The following DLG2 variants were observed in gnomAD, a reference collection of about 807,000 sequenced individuals.
The protein encoded by DLG2 is discs large MAGUK scaffold protein 2.
In DLG2, 45 loss-of-function variants were observed where a neutral mutation model predicts 132.5. That is an observed-to-expected ratio of 0.34 (90% confidence interval 0.27 to 0.44). The LOEUF (loss-of-function observed/expected upper bound fraction) is 0.44, where lower values mean the gene tolerates loss of function less well. Among genes scored for constraint, DLG2 ranks in the 20% least tolerant of loss-of-function variants. The pLI is 1.00. For synonymous variants in DLG2, 424 were observed against 419.6 expected (o/e 1.01, Z -0.13); for missense variants, 1,045 against 1,196.9 (o/e 0.87, Z 1.87).
rs1290147827 is a variant in DLG2 at position 85,266,799 on chromosome 11, A to G, written c.186+18421T>C. Among the ~76,000 whole-genome samples the G allele has an allele frequency of 3.3e-5, 5 of 152,250 alleles. No homozygotes were observed. In the East Asian group the frequency reaches 7.7e-4, roughly 24 times the overall value. On this transcript the variant is annotated intron_variant, in intron 4 of 27. Transcript: ENST00000376104. ...CCCACTTTGCTTTCTTTTACTCAGAACCCTCAATTCTGATGAAGAAACATT... is the reference window on the plus strand; with the variant it reads ...CCCACTTTGCTTTCTTTTACTCAGAGCCCTCAATTCTGATGAAGAAACATT...
intron 3 of DLG2, among the ~76,000 whole-genome samples, chr11:85,400,995 A>G (rs1001314064): frequency 4.0e-5 from 6 of 151,886 alleles, no homozygotes; most frequent in Non-Finnish European, 7.4e-5. Flanking sequence ...TGAGGCTAGC[A>G]TCATCCTGAT....
chr11:84,002,982 A>T (rs2094426494), intron 11 of DLG2, among the ~76,000 whole-genome samples: 1 of 152,176 alleles, frequency 6.6e-6, no homozygotes, highest in African/African-American at 2.4e-5. Context: ...CAATGCTTTT[A>T]AGAGCACCCA....
At chr11:83,999,823 A>G (rs2154040180) in intron 11 of DLG2, among the ~76,000 whole-genome samples, 2 of 152,302 alleles carry the variant, frequency 1.3e-5, no homozygotes, top group South Asian at 4.1e-4. Context: ...TCAAAGCCAA[A>G]GTGCCCTACA....
chr11:83,858,892 A>C (rs1309281752), intron 16 of DLG2, among the ~76,000 whole-genome samples: 1 of 152,208 alleles, frequency 6.6e-6, no homozygotes, highest in Non-Finnish European at 1.5e-5. Flanking sequence ...AATGCATAAA[A>C]ATGATGATCT....
chr11:83,852,471 T>C (rs1212995617), intron 16 of DLG2, among the ~76,000 whole-genome samples: 1 of 152,234 alleles, frequency 6.6e-6, no homozygotes, highest in African/African-American at 2.4e-5. Flanking sequence ...AGTTTTCATG[T>C]AGTTAAGATA....
chr11:83,793,309 C>T (rs892617784), intron 17 of DLG2, among the ~76,000 whole-genome samples: 1 of 152,066 alleles, frequency 6.6e-6, no homozygotes, highest in Non-Finnish European at 1.5e-5. Flanking sequence ...TATTTAATTT[C>T]CTTTTCTTTT....
At chr11:83,690,038 A>C (rs1457780684) in intron 18 of DLG2, among the ~76,000 whole-genome samples, 3 of 146,378 alleles carry the variant, frequency 2.0e-5, no homozygotes, top group East Asian at 3.9e-4. Context: ...ATGTAAATAT[A>C]AATTATGTAT....
chr11:85,161,674 C>A (rs1478970110), intron 4 of DLG2, among the ~76,000 whole-genome samples: 1 of 152,184 alleles, frequency 6.6e-6, no homozygotes, highest in Non-Finnish European at 1.5e-5. Flanking sequence ...AGCTAAAGAA[C>A]TGTGATTGTG....
chr11:85,433,033 A>G (rs1251324552), intron 3 of DLG2, among the ~76,000 whole-genome samples: 1 of 152,216 alleles, frequency 6.6e-6, no homozygotes, highest in Non-Finnish European at 1.5e-5. Flanking sequence ...TAAAGGAAAG[A>G]ATTTTTAACC....
chr11:85,377,345 A>G (rs968222234), intron 3 of DLG2, among the ~76,000 whole-genome samples: 1 of 152,154 alleles, frequency 6.6e-6, no homozygotes, highest in Non-Finnish European at 1.5e-5. Context: ...TACCTGTGTG[A>G]ACTTGGGCAA....
chr11:84,007,436 A>G (rs2094625118), intron 11 of DLG2, among the ~76,000 whole-genome samples: 1 of 151,674 alleles, frequency 6.6e-6, no homozygotes, highest in Non-Finnish European at 1.5e-5. Context: ...CTTTTATATC[A>G]AATCCATTAA....
At chr11:85,297,557 T>G (rs759014302) in intron 3 of DLG2, among the ~76,000 whole-genome samples, 32 of 152,234 alleles carry the variant, frequency 2.1e-4, no homozygotes, top group Non-Finnish European at 4.7e-4. Flanking sequence ...CTTGCTTTAT[T>G]GAAAAATACA....
intron 5 of DLG2, among the ~76,000 whole-genome samples, chr11:85,127,383 G>A (rs952310869): frequency 2.2e-5 from 1 of 44,792 alleles, no homozygotes; most frequent in South Asian, 1.3e-3. Flanking sequence ...AAAGCCTCCC[G>A]ATATTTATCC....
intron 15 of DLG2, among the ~76,000 whole-genome samples, chr11:83,899,009 A>C (rs1232307623): frequency 6.6e-6 from 1 of 152,218 alleles, no homozygotes; most frequent in Non-Finnish European, 1.5e-5. Flanking sequence ...CACAGCTCCC[A>C]TTACCAGGTG....
chr11:84,881,057 A>G (rs2087245370), intron 6 of DLG2, among the ~76,000 whole-genome samples: 1 of 152,104 alleles, frequency 6.6e-6, no homozygotes, highest in Non-Finnish European at 1.5e-5. Flanking sequence ...AGACTGTAGC[A>G]TATTGTAACC....
intron 8 of DLG2, among the ~76,000 whole-genome samples, chr11:84,233,410 T>A (rs577069263): frequency 3.3e-5 from 5 of 152,076 alleles, no homozygotes; most frequent in Non-Finnish European, 5.9e-5. Context: ...AAAACATAAA[T>A]AAGCAAGCTG....
At chr11:84,482,808 T>C (rs1289038714) in intron 7 of DLG2, among the ~76,000 whole-genome samples, 2 of 152,148 alleles carry the variant, frequency 1.3e-5, no homozygotes, top group Non-Finnish European at 2.9e-5. Flanking sequence ...GTGAAAATAA[T>C]AGGTGTTTTA....
At position 84,580,446 on chromosome 11, in the gene DLG2, C is replaced by T. The variant is rs145454686; in HGVS notation, c.358-45715G>A. ...CATTAACTCTTGAGACGTGTGTTTG[C>T]CCTCCTCTGTCTTTGGTCCTCTGGT... On this transcript the variant is annotated intron_variant, in intron 6 of 27. Coordinates refer to ENST00000376104, the MANE Select transcript of DLG2 (RefSeq NM_001142699.3). Among the ~76,000 whole-genome samples the T allele has an allele frequency of 8.2e-4, 125 of 152,278 alleles. 1 individual carries two copies. Among genetic ancestry groups the T allele is most frequent in the African/African-American group, 2.9e-3 (121 of 41,558 alleles).
At chr11:84,797,907 T>C (rs1050215762) in intron 6 of DLG2, among the ~76,000 whole-genome samples, 3 of 152,222 alleles carry the variant, frequency 2.0e-5, no homozygotes, top group Admixed American at 6.5e-5. Context: ...AGTAATGCTG[T>C]GCTTCCTGGA....
Sources: allele counts gnomAD v4.1 joint callset (sites outside exome capture counted in the v4.1 genomes callset), GRCh38; gene constraint gnomAD v4.1.1; transcripts MANE v1.5; gene names NCBI Gene and HGNC (gene_info 2026-07-23, HGNC 2026-07-21).